ZNF536: variants seen among roughly 807,000 people sequenced by gnomAD.
ZNF536 encodes zinc finger protein 536.
A neutral mutation model predicts 84.5 loss-of-function variants in ZNF536; 13 were observed. The ratio of observed to expected loss-of-function variants is 0.15; its 90% CI spans 0.10 to 0.24. ZNF536 has a LOEUF of 0.24. Among genes scored for constraint, ZNF536 ranks in the 10% least tolerant of loss-of-function variants. ZNF536 has a pLI of 1.00. For synonymous variants in ZNF536, 811 were observed against 742.5 expected (o/e 1.09, Z -1.50); for missense variants, 1,536 against 1,747.5 (o/e 0.88, Z 2.16).
At chr19:30,519,743 CCATTCATT>C (rs371236458) in intron 2 of ZNF536, among the ~76,000 whole-genome samples, 1 of 152,140 alleles carries the variant, frequency 6.6e-6, no homozygotes, top group African/African-American at 2.4e-5. Context: ...CTCCCCAACA[CCATTCATT>C]CATTCATTCA....
chr19:30,318,280 A>G (rs2046746053), intron 2 of ZNF536, among the ~76,000 whole-genome samples: 1 of 152,240 alleles, frequency 6.6e-6, no homozygotes, highest in African/African-American at 2.4e-5. Context: ...CTTACAATGC[A>G]TGAAGATGGG....
chr19:30,328,348 A>C (rs2047103641), intron 2 of ZNF536, among the ~76,000 whole-genome samples: 1 of 152,172 alleles, frequency 6.6e-6, no homozygotes, highest in African/African-American at 2.4e-5. Context: ...TTTGATTCTC[A>C]TTCGAGCTCA....
At chr19:30,684,693 A>G (rs1395300985) in intron 1 of ZNF536, among the ~76,000 whole-genome samples, 1 of 152,152 alleles carries the variant, frequency 6.6e-6, no homozygotes, top group Non-Finnish European at 1.5e-5. Context: ...TGGTTCGGTC[A>G]TTCTGTGTTA....
At chr19:30,225,991 G>A (rs1037292798), upstream of ZNF536, among the ~76,000 whole-genome samples, 71 of 152,004 alleles carry the variant, frequency 4.7e-4, no homozygotes, top group Middle Eastern at 3.4e-3. Flanking sequence ...CTGCGGCCGG[G>A]CATCGTATGG....
intron 3 of ZNF536, among the ~76,000 whole-genome samples, chr19:30,361,104 T>C (rs910919701): frequency 6.6e-6 from 1 of 152,244 alleles, no homozygotes; most frequent in African/African-American, 2.4e-5. Context: ...ACAGCACTTA[T>C]ATAGTCTGTC....
intron 1 of ZNF536, among the ~76,000 whole-genome samples, chr19:30,675,772 G>T (rs990536970): frequency 1.3e-5 from 2 of 152,210 alleles, no homozygotes; most frequent in Admixed American, 6.5e-5. Flanking sequence ...GAGACAAAAA[G>T]ATGGCTATAG....
chr19:30,710,754 C>T (rs2052430761), intron 1 of ZNF536: 2 of 152,246 alleles, frequency 1.3e-5, no homozygotes, highest in Admixed American at 1.3e-4. Context: ...TTTCTGCCCA[C>T]AGGTCACAGG....
intron 3 of ZNF536, among the ~76,000 whole-genome samples, chr19:30,536,426 A>G (rs6510164): frequency 0.38 from 57,183 of 151,880 alleles, 12,925 homozygotes; most frequent in African/African-American, 0.64. Context: ...AAACTTAACA[A>G]TTTCAGAAAT....
chr19:30,647,328 G>T (rs2049512956), intron 1 of ZNF536, among the ~76,000 whole-genome samples: 1 of 152,112 alleles, frequency 6.6e-6, no homozygotes, highest in Non-Finnish European at 1.5e-5. Flanking sequence ...TTGCATAAGG[G>T]CTCTTGGCCA....
At chr19:30,520,641 A>G (rs2044282634) in intron 2 of ZNF536, among the ~76,000 whole-genome samples, 1 of 152,120 alleles carries the variant, frequency 6.6e-6, no homozygotes, top group Non-Finnish European at 1.5e-5. Flanking sequence ...GCTTGGCATT[A>G]GGAAACCTTG....
At chr19:30,322,790 C>T (rs1315140866) in intron 2 of ZNF536, among the ~76,000 whole-genome samples, 1 of 151,982 alleles carries the variant, frequency 6.6e-6, no homozygotes, top group East Asian at 1.9e-4. Context: ...CTTACTCTCA[C>T]TCCTAGTGGG....
At chr19:30,366,261 C>T (rs778146393) in intron 3 of ZNF536, among the ~76,000 whole-genome samples, 2 of 152,168 alleles carry the variant, frequency 1.3e-5, no homozygotes, top group Non-Finnish European at 2.9e-5. Context: ...AATTGCAAGA[C>T]TCTTGAGAGT....
At chr19:30,488,593 C>T in intron 2 of ZNF536, among the ~76,000 whole-genome samples, 1 of 150,874 alleles carries the variant, frequency 6.6e-6, no homozygotes, top group East Asian at 1.9e-4. Context: ...CTGAGAGTCT[C>T]AACAGACTCT....
chr19:30,570,870 G>A (rs914621608), intron 1 of ZNF536, among the ~76,000 whole-genome samples: 1 of 152,186 alleles, frequency 6.6e-6, no homozygotes, highest in Non-Finnish European at 1.5e-5. Flanking sequence ...AGCTGTAGGG[G>A]CTGCCTGTTG....
intron 1 of ZNF536, among the ~76,000 whole-genome samples, chr19:30,705,204 A>G (rs946580683): frequency 4.6e-5 from 7 of 152,160 alleles, no homozygotes; most frequent in Non-Finnish European, 1.0e-4. Flanking sequence ...CGGGCCTATC[A>G]TAGCTTCTCC....
chr19:30,481,392 T>C (rs1026978833), intron 2 of ZNF536, among the ~76,000 whole-genome samples: 1 of 152,210 alleles, frequency 6.6e-6, no homozygotes, highest in Non-Finnish European at 1.5e-5. Flanking sequence ...TCTCTCTGGT[T>C]GCACAGTCGG....
chr19:30,262,805 C>T (rs1169876736), intron 1 of ZNF536, among the ~76,000 whole-genome samples: 1 of 152,138 alleles, frequency 6.6e-6, no homozygotes, highest in African/African-American at 2.4e-5. Flanking sequence ...TTGTTTGTGT[C>T]CCAGTGGCAG....
intron 2 of ZNF536, among the ~76,000 whole-genome samples, chr19:30,485,606 T>C (rs200262175): frequency 1.4e-5 from 2 of 145,380 alleles, no homozygotes; most frequent in Non-Finnish European, 1.5e-5. Context: ...TTTTCTTCTT[T>C]TTTTTTTTGT....
chr19:30,461,874 CGCCGGTGCT>C (rs1238099997), intron 2 of ZNF536, among the ~76,000 whole-genome samples: 64 of 152,308 alleles, frequency 4.2e-4, no homozygotes, highest in African/African-American at 1.5e-3. Context: ...TTGCTGGCAC[CGCCGGTGCT>C]GCCTTGTGCA....
Sources: gnomAD v4.1 joint callset for allele counts (sites outside exome capture counted in the v4.1 genomes callset) on GRCh38, gnomAD v4.1.1 for gene constraint, MANE v1.5 for transcripts, NCBI Gene and HGNC (gene_info 2026-07-23, HGNC 2026-07-21) for gene names.